Variants in SLC39A11 observed in about 807,000 individuals in gnomAD.
SLC39A11 encodes the protein zinc transporter ZIP11.
A neutral mutation model predicts 36.1 loss-of-function variants in SLC39A11; 33 were observed. The ratio of observed to expected loss-of-function variants is 0.91; its 90% CI spans 0.69 to 1.22. The LOEUF is 1.22. Ranked by LOEUF, SLC39A11 falls within the 50% of genes most tolerant of loss-of-function variation. The pLI, the probability that SLC39A11 is intolerant of heterozygous loss-of-function variation, is 0.00. For missense variants in SLC39A11, 432 were observed against 430.3 expected, an observed-to-expected ratio of 1.00 and a Z score of -0.03; for synonymous variants, 166 against 170.3, an observed-to-expected ratio of 0.97 and a Z score of 0.20.
At chr17:73,044,891 AAAAAAG>A (rs2059227478) in intron 3 of SLC39A11, among the ~76,000 whole-genome samples, 2 of 151,840 alleles carry the variant, frequency 1.3e-5, no homozygotes, top group South Asian at 4.2e-4. Flanking sequence ...AAAAAAAAAA[AAAAAAG>A]AAAAGAAATG....
chr17:73,090,759 G>A (rs1223223005), intron 1 of SLC39A11, among the ~76,000 whole-genome samples: 3 of 152,174 alleles, frequency 2.0e-5, no homozygotes, highest in South Asian at 2.1e-4. Flanking sequence ...GCTCGTGGGT[G>A]TTCCTGGTGG....
chr17:72,697,165 C>T (rs2072342993), intron 7 of SLC39A11, among the ~76,000 whole-genome samples: 1 of 152,234 alleles, frequency 6.6e-6, no homozygotes, highest in Non-Finnish European at 1.5e-5. Context: ...TCGCTGCAAC[C>T]TGGAACTCGA....
chr17:73,042,415 T>C (rs1042902829), intron 3 of SLC39A11, among the ~76,000 whole-genome samples: 3 of 152,326 alleles, frequency 2.0e-5, no homozygotes, highest in Admixed American at 6.5e-5. Flanking sequence ...CTCATGTTTA[T>C]TGAACCAAAG....
intron 3 of SLC39A11, among the ~76,000 whole-genome samples, chr17:73,080,200 C>T (rs1011121633): frequency 6.6e-6 from 1 of 152,116 alleles, no homozygotes; most frequent in African/African-American, 2.4e-5. Context: ...GCAAACAGAA[C>T]AAATCTGGAG....
At chr17:72,737,260 A>G (rs1460726855) in intron 6 of SLC39A11, among the ~76,000 whole-genome samples, 3 of 150,482 alleles carry the variant, frequency 2.0e-5, no homozygotes, top group Non-Finnish European at 4.4e-5. Flanking sequence ...TGGGTGACAA[A>G]GTGAGACTCT....
intron 7 of SLC39A11, among the ~76,000 whole-genome samples, chr17:72,691,830 C>A (rs1296779760): frequency 1.3e-5 from 2 of 152,128 alleles, no homozygotes; most frequent in Non-Finnish European, 2.9e-5. Context: ...TCTTTCTCTG[C>A]CAGCTACGAC....
chr17:72,750,111 T>G (rs1280141558), intron 6 of SLC39A11, among the ~76,000 whole-genome samples: 1 of 152,004 alleles, frequency 6.6e-6, no homozygotes, highest in East Asian at 1.9e-4. Flanking sequence ...CTGCAGCAGG[T>G]GGGTGGCGCC....
chr17:72,811,886 A>G (rs1326085715), intron 6 of SLC39A11, among the ~76,000 whole-genome samples: 1 of 152,252 alleles, frequency 6.6e-6, no homozygotes, highest in Non-Finnish European at 1.5e-5. Context: ...TGCAATGAAT[A>G]TAACACATGC....
At position 72,949,807 on chromosome 17, in the gene SLC39A11, C is replaced by T. The variant is rs139326724; in HGVS notation, c.307-1932G>A. Among the ~76,000 whole-genome samples the T allele has an allele frequency of 2.4e-3, 364 of 152,090 alleles. 4 individuals carry two copies. Among genetic ancestry groups the T allele is most frequent in the African/African-American group, 8.3e-3 (346 of 41,490 alleles). The stretch of plus-strand genomic sequence containing the variant: ...AACAAACACAAGTTTTCATTTAAAA[C>T]ATGTGTCTCTAATGCGGGAGAGGAG... On this transcript the variant is annotated intron_variant, in intron 4 of 9. Transcript: ENST00000255559.
At chr17:73,077,477 C>T (rs993416385) in intron 3 of SLC39A11, among the ~76,000 whole-genome samples, 2 of 152,142 alleles carry the variant, frequency 1.3e-5, no homozygotes, top group Non-Finnish European at 2.9e-5. Flanking sequence ...GCCACCATGC[C>T]TGGCTAATTT....
At chr17:72,740,816 T>G (rs913378931) in intron 6 of SLC39A11, among the ~76,000 whole-genome samples, 1 of 152,036 alleles carries the variant, frequency 6.6e-6, no homozygotes, top group Non-Finnish European at 1.5e-5. Context: ...CTATTGTTGC[T>G]CAGGCTGGAG....
intron 3 of SLC39A11, among the ~76,000 whole-genome samples, chr17:73,074,884 G>T (rs1228307920): frequency 6.6e-6 from 1 of 152,174 alleles, no homozygotes; most frequent in East Asian, 1.9e-4. Flanking sequence ...TTCTTGATTG[G>T]TAAGACTGTC....
intron 4 of SLC39A11, among the ~76,000 whole-genome samples, chr17:72,974,747 C>T (rs2087722551): frequency 6.6e-6 from 1 of 152,234 alleles, no homozygotes; most frequent in African/African-American, 2.4e-5. Context: ...ACTCACCACT[C>T]ACTCACTGAC....
chr17:72,980,024 T>G (rs368620628), intron 4 of SLC39A11, among the ~76,000 whole-genome samples: 1 of 152,136 alleles, frequency 6.6e-6, no homozygotes, highest in Non-Finnish European at 1.5e-5. Context: ...CCACCCTTCC[T>G]GTCCCCAGCC....
At chr17:72,649,353 C>T (rs1192826192) in intron 7 of SLC39A11, 85 bp from the exon 8 acceptor site, 7 of 1,244,012 alleles carry the variant, frequency 5.6e-6, no homozygotes, top group East Asian at 2.5e-5. Flanking sequence ...CCAAGACCTC[C>T]GTGGGTGCTA....
chr17:73,038,290 A>G (rs1221283621), intron 3 of SLC39A11, among the ~76,000 whole-genome samples: 2 of 152,194 alleles, frequency 1.3e-5, no homozygotes, highest in Non-Finnish European at 2.9e-5. Context: ...TGAAAAAACA[A>G]AAGAGAATGG....
chr17:72,869,955 T>C (rs569195640), intron 5 of SLC39A11, among the ~76,000 whole-genome samples: 4 of 152,316 alleles, frequency 2.6e-5, no homozygotes, highest in South Asian at 4.1e-4. Context: ...CCAGGGCATA[T>C]GTCCTTCTCA....
intron 6 of SLC39A11, among the ~76,000 whole-genome samples, chr17:72,774,025 C>A (rs999630292): frequency 2.0e-5 from 3 of 152,180 alleles, no homozygotes; most frequent in Admixed American, 2.0e-4. Flanking sequence ...AACTTTGAAG[C>A]CTAAAGCTGC....
At chr17:73,024,705 AT>A (rs111311150) in intron 4 of SLC39A11, among the ~76,000 whole-genome samples, 86 of 145,692 alleles carry the variant, frequency 5.9e-4, no homozygotes, top group Middle Eastern at 3.5e-3. Flanking sequence ...AGTTGTGTAC[AT>A]TTTTTTTTTT....
Sources: gnomAD v4.1 joint callset for allele counts (sites outside exome capture counted in the v4.1 genomes callset) on GRCh38, gnomAD v4.1.1 for gene constraint, MANE v1.5 for transcripts, NCBI Gene and HGNC (gene_info 2026-07-23, HGNC 2026-07-21) for gene names.